Variants in PPFIA2 observed in about 807,000 individuals in gnomAD.
PPFIA2 encodes the protein PPFI scaffold protein A2.
Under a neutral mutation model 175.5 loss-of-function variants are expected in PPFIA2, and 46 were observed. The ratio of observed to expected loss-of-function variants is 0.26; its 90% CI spans 0.21 to 0.34. The LOEUF (loss-of-function observed/expected upper bound fraction) is 0.34, where lower values mean the gene tolerates loss of function less well. Ranked by LOEUF, PPFIA2 falls within the 10% of genes least tolerant of loss-of-function variation. PPFIA2 has a pLI of 1.00. For synonymous variants in PPFIA2, 568 were observed against 511.4 expected, an observed-to-expected ratio of 1.11 and a Z score of -1.49; for missense variants, 1,179 against 1,506.1, an observed-to-expected ratio of 0.78 and a Z score of 3.60.
chr12:81,534,095 CAT>C (rs1194714660), intron 4 of PPFIA2, among the ~76,000 whole-genome samples: 1 of 151,472 alleles, frequency 6.6e-6, no homozygotes, highest in Admixed American at 6.6e-5. Context: ...TGTTCTCACT[CAT>C]ATGTGTGAGC....
intron 8 of PPFIA2, among the ~76,000 whole-genome samples, chr12:81,398,981 C>A (rs1267697382): frequency 2.6e-5 from 4 of 151,810 alleles, no homozygotes; most frequent in Non-Finnish European, 4.4e-5. Context: ...TATCAAACAC[C>A]CACTAAATTT....
intron 4 of PPFIA2, among the ~76,000 whole-genome samples, chr12:81,633,784 T>G (rs900493569): frequency 6.6e-6 from 1 of 152,084 alleles, no homozygotes; most frequent in Non-Finnish European, 1.5e-5. Flanking sequence ...TTAGCCATAA[T>G]TCCTTATTAG....
intron 20 of PPFIA2, among the ~76,000 whole-genome samples, chr12:81,339,682 G>A (rs2057732722): frequency 6.6e-6 from 1 of 151,882 alleles, no homozygotes; most frequent in Admixed American, 6.6e-5. Flanking sequence ...TTATTTCTCA[G>A]AGTCTGTTTT....
intron 3 of PPFIA2, among the ~76,000 whole-genome samples, chr12:81,751,261 G>A (rs1004873714): frequency 6.6e-6 from 1 of 151,930 alleles, no homozygotes; most frequent in Non-Finnish European, 1.5e-5. Context: ...ATTTAGAATG[G>A]AACTATAGCC....
intron 22 of PPFIA2, among the ~76,000 whole-genome samples, chr12:81,318,812 T>C (rs2053008235): frequency 6.6e-6 from 1 of 151,754 alleles, no homozygotes. Flanking sequence ...TCATGAACCC[T>C]GAAATACTTA....
chr12:81,376,407 A>C (rs1001450261), intron 9 of PPFIA2, among the ~76,000 whole-genome samples: 25 of 140,594 alleles, frequency 1.8e-4, no homozygotes, highest in African/African-American at 6.9e-4. Context: ...CTGTGGTTAA[A>C]AGGCCAGGCC....
At chr12:81,719,056 A>G (rs1249273035) in intron 3 of PPFIA2, among the ~76,000 whole-genome samples, 1 of 151,682 alleles carries the variant, frequency 6.6e-6, no homozygotes, top group Non-Finnish European at 1.5e-5. Context: ...ACAAAAAACT[A>G]TTCTTGGAAG....
rs540696761 is a variant in PPFIA2 at position 81,707,393 on chromosome 12, T to C, written c.250-30549A>G. Among the ~76,000 whole-genome samples, 357 of 152,286 alleles carry C rather than the reference T, an allele frequency of 2.3e-3. 1 individual carries two copies. The highest frequency in any genetic ancestry group is 8.4e-3 in the African/African-American group (347 of 41,548). On this transcript the variant is annotated intron_variant, in intron 3 of 32. Transcript: ENST00000549396. Reference sequence around the variant, plus strand: ...AACAGTCACTTCTCAGAAGAAGACATTTATGCAGCCAAAAAACACATGAAA... The same window carrying C: ...AACAGTCACTTCTCAGAAGAAGACACTTATGCAGCCAAAAAACACATGAAA...
intron 7 of PPFIA2, among the ~76,000 whole-genome samples, chr12:81,429,492 A>G (rs1306780966): frequency 1.3e-5 from 2 of 152,014 alleles, no homozygotes; most frequent in Non-Finnish European, 2.9e-5. Flanking sequence ...ACTTCCCTCT[A>G]GGCAAATTCC....
At chr12:81,710,921 A>C (rs1247846957) in intron 3 of PPFIA2, among the ~76,000 whole-genome samples, 1 of 151,362 alleles carries the variant, frequency 6.6e-6, no homozygotes, top group Non-Finnish European at 1.5e-5. Flanking sequence ...AAACACTACT[A>C]AGGTTTTGCT....
intron 4 of PPFIA2, among the ~76,000 whole-genome samples, chr12:81,572,387 T>C (rs1284283319): frequency 6.6e-6 from 1 of 152,046 alleles, no homozygotes; most frequent in Non-Finnish European, 1.5e-5. Flanking sequence ...CATCTTGTAA[T>C]ATAATAAATA....
At chr12:81,711,449 T>A (rs2077902334) in intron 3 of PPFIA2, among the ~76,000 whole-genome samples, 1 of 151,324 alleles carries the variant, frequency 6.6e-6, no homozygotes, top group Non-Finnish European at 1.5e-5. Context: ...TATGAACTAA[T>A]TATAGAATAC....
chr12:81,510,382 T>C (rs908098614), intron 4 of PPFIA2, among the ~76,000 whole-genome samples: 4 of 152,108 alleles, frequency 2.6e-5, no homozygotes, highest in Admixed American at 2.6e-4. Context: ...TCAAACTCGT[T>C]TTACATTTGA....
At chr12:81,446,474 T>G (rs1191505722) in intron 5 of PPFIA2, among the ~76,000 whole-genome samples, 2 of 152,182 alleles carry the variant, frequency 1.3e-5, no homozygotes, top group Non-Finnish European at 2.9e-5. Flanking sequence ...GTTTCATATT[T>G]GCTTTCATTT....
At chr12:81,338,052 G>A (rs1338616565) in intron 21 of PPFIA2, among the ~76,000 whole-genome samples, 1 of 152,072 alleles carries the variant, frequency 6.6e-6, no homozygotes, top group Admixed American at 6.6e-5. Context: ...GATGCTTTCT[G>A]TGGGTTTCAC....
At chr12:81,495,037 T>C (rs566965268) in intron 4 of PPFIA2, among the ~76,000 whole-genome samples, 12 of 151,838 alleles carry the variant, frequency 7.9e-5, no homozygotes, top group African/African-American at 2.9e-4. Context: ...GGCACATGTA[T>C]ACATATGTAA....
At chr12:81,512,178 A>G in intron 4 of PPFIA2, 5 of 462,688 alleles carry the variant, frequency 1.1e-5, no homozygotes, top group South Asian at 9.5e-5. Context: ...CAATGTGTTT[A>G]ATACTTAGCA....
intron 3 of PPFIA2, among the ~76,000 whole-genome samples, chr12:81,685,288 G>C (rs945556397): frequency 3.3e-5 from 5 of 152,016 alleles, no homozygotes; most frequent in African/African-American, 1.2e-4. Context: ...CCAGACTTAA[G>C]CAGTTAGTGT....
At chr12:81,622,768 T>C (rs568020553) in intron 4 of PPFIA2, among the ~76,000 whole-genome samples, 24 of 152,242 alleles carry the variant, frequency 1.6e-4, no homozygotes, top group African/African-American at 5.8e-4. Flanking sequence ...GGCTTTCATT[T>C]TTATGTTCCT....
Sources: allele counts gnomAD v4.1 joint callset (sites outside exome capture counted in the v4.1 genomes callset), GRCh38; gene constraint gnomAD v4.1.1; transcripts MANE v1.5; gene names NCBI Gene and HGNC (gene_info 2026-07-23, HGNC 2026-07-21).